Variants in THSD7A observed in about 807,000 individuals in gnomAD.
The protein encoded by THSD7A is thrombospondin type-1 domain-containing protein 7A.
Under a neutral mutation model 231.3 loss-of-function variants are expected in THSD7A, and 96 were observed. The ratio of observed to expected loss-of-function variants is 0.41; its 90% CI spans 0.35 to 0.49. The LOEUF is 0.49. Ranked by LOEUF, THSD7A falls within the 20% of genes least tolerant of loss-of-function variation. The pLI is 0.05. For missense variants in THSD7A, 2,290 were observed against 2,070.2 expected (o/e 1.11, Z -2.06); for synonymous variants, 940 against 743.3 (o/e 1.26, Z -4.30).
chr7:11,663,908 T>C (rs1783025722), intron 1 of THSD7A, among the ~76,000 whole-genome samples: 2 of 151,668 alleles, frequency 1.3e-5, no homozygotes, highest in African/African-American at 4.8e-5. Context: ...CCTTGTAAGA[T>C]ACTGGATTTT....
rs1781936633 is a variant in THSD7A, at chr7:11,637,993, G to C, written c.191-1032C>G. ...ATTCCATGAATTTGAGAAATTGTTTGATGTGCCTTAAAGCCATTTTCCATC... is the reference window on the plus strand; with the variant it reads ...ATTCCATGAATTTGAGAAATTGTTTCATGTGCCTTAAAGCCATTTTCCATC... On this transcript the variant is annotated intron_variant, in intron 1 of 27. Coordinates refer to ENST00000423059, the MANE Select transcript of THSD7A (RefSeq NM_015204.3). This position sits in a 1 kb window ranked among gnomAD's most constrained non-coding sequence, Gnocchi z 4.2. Among the ~76,000 whole-genome samples the C allele has an allele frequency of 6.6e-6, 1 of 151,272 alleles. No homozygotes were observed. The highest frequency in any genetic ancestry group is 2.1e-4 in the South Asian group (1 of 4,804).
In THSD7A at chr7:11,481,982, C is replaced by T; in HGVS notation, c.1823G>A (p.Gly608Glu). 1 of 1,588,038 alleles carries T rather than the reference C, an allele frequency of 6.3e-7. No homozygotes were observed. The highest frequency in any genetic ancestry group is 2.3e-5 in the East Asian group (1 of 43,784). Residue 608 changes from glycine to glutamate, a missense_variant and splice_region_variant, in exon 7 of 28, where the codon GGA becomes GAA. Transcript: ENST00000423059. ...GCACAGCTGTCTGTCAACTTCTTCT[C>T]CTGGGGAAAACATGACCACCAACAG... ...VQEVVCINSD[G>E]EEVDRQLCRD...
At chr7:11,626,826 C>T (rs1362990485) in intron 2 of THSD7A, among the ~76,000 whole-genome samples, 2 of 151,896 alleles carry the variant, frequency 1.3e-5, no homozygotes, top group Admixed American at 1.3e-4. Flanking sequence ...TAGTGTTAAC[C>T]AGGAACAATA....
chr7:11,684,378 A>G (rs1779954635), intron 1 of THSD7A, among the ~76,000 whole-genome samples: 1 of 150,974 alleles, frequency 6.6e-6, no homozygotes, highest in African/African-American at 2.4e-5. Flanking sequence ...TAGAAATCCT[A>G]GCCAGAGCAA....
chr7:11,434,320 A>C (rs568308700), intron 13 of THSD7A, among the ~76,000 whole-genome samples: 7 of 152,250 alleles, frequency 4.6e-5, no homozygotes, highest in Admixed American at 2.0e-4. Flanking sequence ...TGGAAAAATT[A>C]AACTCCAGAC....
chr7:11,673,449 A>G (rs1783488347), intron 1 of THSD7A, among the ~76,000 whole-genome samples: 1 of 152,166 alleles, frequency 6.6e-6, no homozygotes, highest in Admixed American at 6.5e-5. Flanking sequence ...GAGTGGTTGC[A>G]GCACCTGCTG....
chr7:11,654,038 A>G (rs1270050794), intron 1 of THSD7A, among the ~76,000 whole-genome samples: 1 of 151,956 alleles, frequency 6.6e-6, no homozygotes, highest in Non-Finnish European at 1.5e-5. Flanking sequence ...AGCACAATCC[A>G]AGTATTCTGT....
intron 1 of THSD7A, among the ~76,000 whole-genome samples, chr7:11,714,669 A>T (rs952675462): frequency 6.6e-6 from 1 of 151,374 alleles, no homozygotes; most frequent in East Asian, 2.0e-4. Context: ...ACCCTAAGAA[A>T]AAAAGCAGTT....
At position 11,507,813 on chromosome 7, in the gene THSD7A, A is replaced by G. The variant is rs190960405; in HGVS notation, c.1823-25831T>C. 5.8e-4 allele frequency among the ~76,000 whole-genome samples: 88 copies of G among 152,308 alleles called. 1 individual carries two copies. Among genetic ancestry groups the G allele is most frequent in the Admixed American group, 5.7e-3 (87 of 15,298 alleles). On this transcript the variant is annotated intron_variant, in intron 6 of 27. Transcript: ENST00000423059. ...TTATGGATGGGAAAAATATTTTAAA[A>G]CCATACATCTGATAAAAGCTTAACA...
intron 6 of THSD7A, among the ~76,000 whole-genome samples, chr7:11,517,232 C>A (rs1788067348): frequency 6.6e-6 from 1 of 152,056 alleles, no homozygotes. Flanking sequence ...GTGCCCACCA[C>A]CATGCCCAGC....
At chr7:11,631,425 G>T (rs996045053) in intron 2 of THSD7A, among the ~76,000 whole-genome samples, 1 of 152,082 alleles carries the variant, frequency 6.6e-6, no homozygotes, top group Admixed American at 6.6e-5. Flanking sequence ...ATAACTGCAT[G>T]ATTTTGTCTA....
chr7:11,643,916 T>C (rs1188320595), intron 1 of THSD7A, among the ~76,000 whole-genome samples: 1 of 152,042 alleles, frequency 6.6e-6, no homozygotes, highest in African/African-American at 2.4e-5. Context: ...TGTACCAGTT[T>C]GGCCTTCCAC....
intron 12 of THSD7A, 101 bp downstream of exon 12, chr7:11,447,129 A>C (rs993808308): frequency 2.8e-6 from 3 of 1,079,050 alleles, no homozygotes; most frequent in African/African-American, 3.2e-5. Flanking sequence ...ATCCATTGGC[A>C]TATTATTTTT....
chr7:11,717,742 CT>C (rs753755916), intron 1 of THSD7A, among the ~76,000 whole-genome samples: 1 of 151,592 alleles, frequency 6.6e-6, no homozygotes, highest in Non-Finnish European at 1.5e-5. Flanking sequence ...TGATTCTTGT[CT>C]CTTGCTTGGT....
At chr7:11,562,072 G>T (rs1790100721) in intron 4 of THSD7A, among the ~76,000 whole-genome samples, 1 of 152,156 alleles carries the variant, frequency 6.6e-6, no homozygotes, top group South Asian at 2.1e-4. Context: ...TTTCAAAACA[G>T]ACTATTTGGT....
chr7:11,376,765 C>T (rs373306025), intron 26 of THSD7A, 108 bp from the exon 27 acceptor site: 1 of 656,266 alleles, frequency 1.5e-6, no homozygotes, highest in South Asian at 2.9e-5. Flanking sequence ...CTTTCAAAAC[C>T]CGAAAAGAAT....
chr7:11,703,745 G>A (rs149135014), intron 1 of THSD7A, among the ~76,000 whole-genome samples: 160 of 151,150 alleles, frequency 1.1e-3, no homozygotes, highest in African/African-American at 3.9e-3. Context: ...TTTCTAATGC[G>A]CTGATCAAAT....
chr7:11,734,857 C>A (rs916449233), intron 1 of THSD7A, among the ~76,000 whole-genome samples: 2 of 151,784 alleles, frequency 1.3e-5, no homozygotes, highest in African/African-American at 4.8e-5. Flanking sequence ...ATTTTTTCAA[C>A]AATGCATTTT....
chr7:11,745,496 GT>G (rs1199146362), intron 1 of THSD7A, among the ~76,000 whole-genome samples: 8 of 152,146 alleles, frequency 5.3e-5, no homozygotes, highest in African/African-American at 1.9e-4. Context: ...TGCTTTTTGT[GT>G]TTTAGAAATG....
Sources: allele counts gnomAD v4.1 joint callset (sites outside exome capture counted in the v4.1 genomes callset), GRCh38; gene constraint gnomAD v4.1.1; non-coding constraint Gnocchi (gnomAD v3.1); transcripts MANE v1.5; gene names NCBI Gene and HGNC (gene_info 2026-07-23, HGNC 2026-07-21).